TAFA5: variants seen among roughly 807,000 people sequenced by gnomAD.
TAFA5 encodes the protein chemokine-like protein TAFA-5.
A neutral mutation model predicts 15.3 loss-of-function variants in TAFA5; 6 were observed. The ratio of observed to expected loss-of-function variants is 0.39; its 90% CI spans 0.21 to 0.77. TAFA5 has a LOEUF of 0.77. Ranked by LOEUF, TAFA5 falls within the 30% of genes least tolerant of loss-of-function variation. The pLI, the probability that TAFA5 is intolerant of heterozygous loss-of-function variation, is 0.41. For missense variants in TAFA5, 161 were observed against 193.1 expected (o/e 0.83, Z 0.98); for synonymous variants, 103 against 80.7 (o/e 1.28, Z -1.48).
At chr22:48,514,631 G>A (rs374514448) in intron 1 of TAFA5, among the ~76,000 whole-genome samples, 7 of 152,106 alleles carry the variant, frequency 4.6e-5, no homozygotes, top group African/African-American at 1.7e-4. Context: ...GAGCCTGGGG[G>A]TCAGTCCCCC....
chr22:48,525,659 G>A (rs1921756090), intron 1 of TAFA5, among the ~76,000 whole-genome samples: 1 of 152,174 alleles, frequency 6.6e-6, no homozygotes, highest in South Asian at 2.1e-4. Flanking sequence ...CATGGTTTCT[G>A]ATTCAGGGGT....
At chr22:48,586,432 C>T (rs1051484976) in intron 1 of TAFA5, among the ~76,000 whole-genome samples, 3 of 152,218 alleles carry the variant, frequency 2.0e-5, no homozygotes, top group Admixed American at 6.5e-5. Context: ...CTGGGACCCT[C>T]GGTCTCCTCT....
chr22:48,595,415 G>T (rs1364110645), intron 1 of TAFA5, among the ~76,000 whole-genome samples: 1 of 152,264 alleles, frequency 6.6e-6, no homozygotes, highest in Non-Finnish European at 1.5e-5. Context: ...CAGAGCAGGG[G>T]CTGGCGTTAT....
intron 1 of TAFA5, 119 bp from the exon 2 acceptor site, chr22:48,646,478 G>C: frequency 1.6e-6 from 2 of 1,273,840 alleles, no homozygotes; most frequent in South Asian, 3.0e-5. Context: ...GAGTGAAGCG[G>C]TCTCCCTGCC....
intron 3 of TAFA5, among the ~76,000 whole-genome samples, chr22:48,741,250 G>A (rs1053792910): frequency 2.0e-5 from 3 of 151,908 alleles, no homozygotes; most frequent in Non-Finnish European, 4.4e-5. Context: ...CGTCCTCACC[G>A]CTGGGTCCCA....
At chr22:48,660,819 T>G (rs1601651466) in intron 2 of TAFA5, among the ~76,000 whole-genome samples, 1 of 152,208 alleles carries the variant, frequency 6.6e-6, no homozygotes, top group South Asian at 2.1e-4. Flanking sequence ...GGGTGGGTTT[T>G]GGGGGTCAGG....
At chr22:48,727,768 T>C (rs1291798097) in intron 3 of TAFA5, among the ~76,000 whole-genome samples, 1 of 152,158 alleles carries the variant, frequency 6.6e-6, no homozygotes, top group African/African-American at 2.4e-5. Context: ...GGCAAATGCA[T>C]TTGAAAGGAA....
chr22:48,587,645 G>C (rs527877765), intron 1 of TAFA5, among the ~76,000 whole-genome samples: 1 of 152,204 alleles, frequency 6.6e-6, no homozygotes, highest in Admixed American at 6.5e-5. Context: ...TCTGGCTGAT[G>C]GGGCCGCCCT....
At chr22:48,695,579 C>G (rs1487289400) in intron 2 of TAFA5, among the ~76,000 whole-genome samples, 2 of 152,184 alleles carry the variant, frequency 1.3e-5, no homozygotes, top group Non-Finnish European at 2.9e-5. Flanking sequence ...TTGTGCCTGT[C>G]TGTCTGTTCC....
intron 1 of TAFA5, among the ~76,000 whole-genome samples, chr22:48,627,463 C>T (rs527263417): frequency 6.6e-6 from 1 of 152,386 alleles, no homozygotes; most frequent in South Asian, 2.1e-4. Context: ...CGCGACAGCG[C>T]ACGCAAAGAG....
intron 1 of TAFA5, among the ~76,000 whole-genome samples, chr22:48,557,551 C>T (rs542987757): frequency 2.1e-3 from 325 of 152,316 alleles, no homozygotes; most frequent in African/African-American, 7.6e-3. Context: ...TTAGAGGTGA[C>T]CACGGCGGCT....
At chr22:48,710,438 G>A (rs1008359138) in intron 3 of TAFA5, among the ~76,000 whole-genome samples, 1 of 152,132 alleles carries the variant, frequency 6.6e-6, no homozygotes, top group African/African-American at 2.4e-5. Context: ...TAGTTCTTCA[G>A]CACCTGAGTC....
At chr22:48,515,836 G>A (rs932818447) in intron 1 of TAFA5, among the ~76,000 whole-genome samples, 2 of 152,112 alleles carry the variant, frequency 1.3e-5, no homozygotes, top group Non-Finnish European at 2.9e-5. Flanking sequence ...GCCAGGGGAT[G>A]GGGGTCTCTG....
intron 1 of TAFA5, among the ~76,000 whole-genome samples, chr22:48,504,232 G>A (rs754221221): frequency 6.6e-6 from 1 of 152,210 alleles, no homozygotes; most frequent in African/African-American, 2.4e-5. Context: ...GATAACCCAG[G>A]GTGGCGTCCT....
chr22:48,680,333 G>A (rs1928141548), intron 2 of TAFA5, among the ~76,000 whole-genome samples: 1 of 152,232 alleles, frequency 6.6e-6, no homozygotes, highest in Non-Finnish European at 1.5e-5. Flanking sequence ...AACAAAAGAT[G>A]GAAGATCTCG....
Position 48,489,982 on chromosome 22 carries a change from G to A in TAFA5, c.112+278G>A, listed in dbSNP as rs1041817287. The stretch of plus-strand genomic sequence containing the variant: ...GCCCGGGCTCCAGGCCCCGGGTGGC[G>A]CGGCCCGTCCCTGCCCGGCGGTCGG... On this transcript the variant is annotated intron_variant, in intron 1 of 3. Coordinates refer to ENST00000402357, the MANE Select transcript of TAFA5 (RefSeq NM_001082967.3). This position sits in a 1 kb window ranked among gnomAD's most constrained non-coding sequence, Gnocchi z 5.5. 1.3e-5 allele frequency among the ~76,000 whole-genome samples: 2 copies of A among 151,862 alleles called. No homozygotes were observed. The highest frequency in any genetic ancestry group is 2.9e-5 in the Non-Finnish European group (2 of 67,952).
intron 2 of TAFA5, among the ~76,000 whole-genome samples, chr22:48,699,908 G>A (rs1928849952): frequency 6.6e-6 from 1 of 152,166 alleles, no homozygotes; most frequent in Non-Finnish European, 1.5e-5. Flanking sequence ...GCCCCAGAGA[G>A]CAGCTCGCAC....
At chr22:48,605,372 T>G (rs1322946262) in intron 1 of TAFA5, among the ~76,000 whole-genome samples, 1 of 132,822 alleles carries the variant, frequency 7.5e-6, no homozygotes, top group African/African-American at 2.8e-5. Flanking sequence ...GGTGATGGTG[T>G]TGATGGTGAT....
intron 2 of TAFA5, among the ~76,000 whole-genome samples, chr22:48,707,509 G>C (rs1929117083): frequency 6.6e-6 from 1 of 152,178 alleles, no homozygotes; most frequent in South Asian, 2.1e-4. Context: ...TGGCAGAGCG[G>C]GACTTGGGGA....
Sources: gnomAD v4.1 joint callset for allele counts (sites outside exome capture counted in the v4.1 genomes callset) on GRCh38, gnomAD v4.1.1 for gene constraint, Gnocchi (gnomAD v3.1) non-coding constraint, MANE v1.5 for transcripts, NCBI Gene and HGNC (gene_info 2026-07-23, HGNC 2026-07-21) for gene names.